ACBD6: variants seen among roughly 807,000 people sequenced by gnomAD.
ACBD6 encodes acyl-CoA binding domain containing 6, also known as acyl-CoA-binding domain-containing protein 6.
ACBD6 carries 28 observed loss-of-function variants against 37.2 expected under a neutral mutation model. The observed-to-expected ratio is 0.75, with a 90% CI of 0.56 to 1.03. ACBD6 has a LOEUF of 1.03. Ranked by LOEUF, ACBD6 falls within the 50% of genes least tolerant of loss-of-function variation. The pLI, the probability that ACBD6 is intolerant of heterozygous loss-of-function variation, is 0.00. For missense variants in ACBD6, 340 were observed against 337.4 expected (o/e 1.01, Z -0.06); for synonymous variants, 113 against 126.8 (o/e 0.89, Z 0.73).
chr1:180,335,223 G>C (rs1651653575), intron 6 of ACBD6, among the ~76,000 whole-genome samples: 1 of 152,172 alleles, frequency 6.6e-6, no homozygotes, highest in South Asian at 2.1e-4. Context: ...ATTCACCAAA[G>C]TTGAAATGAA....
chr1:180,356,778 C>T lies in ACBD6; in HGVS notation c.663+40738G>A, dbSNP rs552147209. Reference sequence around the variant, plus strand: ...GGTGGGAGGATGGCTTGAGCATGGGCGGCGGAGGTTGCAATGAGCTAAGAT... The same window carrying T: ...GGTGGGAGGATGGCTTGAGCATGGGTGGCGGAGGTTGCAATGAGCTAAGAT... On this transcript the variant is annotated intron_variant, in intron 6 of 7. Coordinates refer to ENST00000367595, the MANE Select transcript of ACBD6 (RefSeq NM_032360.4). 5.4e-4 allele frequency among the ~76,000 whole-genome samples: 80 copies of T among 149,384 alleles called. 1 individual carries two copies. Among genetic ancestry groups the T allele is most frequent in the Admixed American group, 1.9e-3 (28 of 14,908 alleles).
chr1:180,434,933 C>T, intron 3 of ACBD6: 2 of 784,486 alleles, frequency 2.5e-6, no homozygotes, highest in Admixed American at 1.7e-5. Flanking sequence ...GCTCAGCCAA[C>T]ATTGAGACCA....
At chr1:180,306,749 T>C (rs1298260868) in intron 7 of ACBD6, among the ~76,000 whole-genome samples, 1 of 152,218 alleles carries the variant, frequency 6.6e-6, no homozygotes, top group African/African-American at 2.4e-5. Context: ...AAATCAATTC[T>C]AGGAATTATT....
chr1:180,482,034 A>G (rs890713551), intron 3 of ACBD6, among the ~76,000 whole-genome samples: 1 of 152,220 alleles, frequency 6.6e-6, no homozygotes, highest in Non-Finnish European at 1.5e-5. Context: ...AGGCACCTAG[A>G]GAACCTCAAT....
At chr1:180,298,268 G>C (rs1191701153) in intron 7 of ACBD6, among the ~76,000 whole-genome samples, 1 of 152,154 alleles carries the variant, frequency 6.6e-6, no homozygotes, top group Non-Finnish European at 1.5e-5. Flanking sequence ...TCAACTTATT[G>C]TAAGAAACAC....
intron 6 of ACBD6, among the ~76,000 whole-genome samples, chr1:180,382,276 G>A (rs1289914025): frequency 6.6e-6 from 1 of 151,822 alleles, no homozygotes; most frequent in Non-Finnish European, 1.5e-5. Flanking sequence ...TTGGTTTTCT[G>A]AAAAGATAAA....
chr1:180,367,742 T>C (rs1368631728), intron 6 of ACBD6, among the ~76,000 whole-genome samples: 1 of 152,236 alleles, frequency 6.6e-6, no homozygotes, highest in Non-Finnish European at 1.5e-5. Flanking sequence ...TATGGCTGCA[T>C]AGTATTCTGT....
intron 3 of ACBD6, among the ~76,000 whole-genome samples, chr1:180,462,164 G>A (rs575551204): frequency 6.6e-6 from 1 of 152,276 alleles, no homozygotes; most frequent in African/African-American, 2.4e-5. Flanking sequence ...TTGAACTCGG[G>A]AAGCAGAGGT....
At chr1:180,497,629 A>G (rs749765245) in intron 1 of ACBD6, among the ~76,000 whole-genome samples, 3 of 152,366 alleles carry the variant, frequency 2.0e-5, no homozygotes, top group Admixed American at 6.5e-5. Flanking sequence ...AACCCATTAG[A>G]TGTTAACATA....
intron 6 of ACBD6, among the ~76,000 whole-genome samples, chr1:180,323,256 T>C (rs1386559843): frequency 6.6e-6 from 1 of 152,088 alleles, no homozygotes; most frequent in Non-Finnish European, 1.5e-5. Context: ...TGTAGTTTCA[T>C]TTGATTGTGG....
chr1:180,320,651 TA>T (rs951118114), intron 6 of ACBD6, among the ~76,000 whole-genome samples: 3 of 151,734 alleles, frequency 2.0e-5, no homozygotes, highest in Admixed American at 6.6e-5. Context: ...AAAATAAAAA[TA>T]AAAAAAATGA....
chr1:180,282,888 G>A (rs562470102), intron 8 of ACBD6, among the ~76,000 whole-genome samples: 208 of 152,166 alleles, frequency 1.4e-3, no homozygotes, highest in Non-Finnish European at 2.5e-3. Flanking sequence ...AAGGCACTGA[G>A]GGATTTAAAC....
intron 6 of ACBD6, chr1:180,326,365 T>G (rs1030198726): frequency 1.3e-5 from 2 of 152,416 alleles, no homozygotes; most frequent in African/African-American, 4.8e-5. Context: ...AAAGCCCAAG[T>G]GCTCTTCAGT....
intron 6 of ACBD6, among the ~76,000 whole-genome samples, chr1:180,378,779 C>G (rs1197408874): frequency 2.6e-5 from 4 of 151,984 alleles, no homozygotes; most frequent in Non-Finnish European, 2.9e-5. Flanking sequence ...ATAGATGGCA[C>G]CCCCCAGCAT....
At chr1:180,429,839 A>C (rs1479961962) in intron 4 of ACBD6, among the ~76,000 whole-genome samples, 1 of 152,190 alleles carries the variant, frequency 6.6e-6, no homozygotes, top group East Asian at 1.9e-4. Flanking sequence ...ATCTTGTCCC[A>C]CCAACTACTT....
downstream of ACBD6, among the ~76,000 whole-genome samples, chr1:180,284,069 C>T (rs34717056): frequency 4.6e-5 from 7 of 152,136 alleles, no homozygotes; most frequent in Non-Finnish European, 1.0e-4. Context: ...ATTTCAAGGA[C>T]AAGTGAATAA....
intron 3 of ACBD6, among the ~76,000 whole-genome samples, chr1:180,491,560 A>G (rs1160229048): frequency 6.6e-6 from 1 of 152,178 alleles, no homozygotes; most frequent in Non-Finnish European, 1.5e-5. Context: ...TCTCTATTAC[A>G]CTTTAAACTA....
intron 4 of ACBD6, among the ~76,000 whole-genome samples, chr1:180,426,505 C>T (rs935750855): frequency 1.6e-4 from 25 of 152,144 alleles, no homozygotes; most frequent in African/African-American, 6.0e-4. Context: ...CAGCTGATCG[C>T]AAAACCAGAG....
At position 180,377,010 on chromosome 1, in the gene ACBD6, T is replaced by C. The variant is rs141117533; in HGVS notation, c.663+20506A>G. ...TGTTGAGTGGAAACCGTAAGGCTAA[T>C]GGCAAAATGAAATATACATAAATGT... On this transcript the variant is annotated intron_variant, in intron 6 of 7. Coordinates refer to ENST00000367595, the MANE Select transcript of ACBD6 (RefSeq NM_032360.4). Among the ~76,000 whole-genome samples, 834 of 152,264 alleles carry C rather than the reference T, an allele frequency of 5.5e-3. 7 individuals carry two copies. Among genetic ancestry groups the C allele is most frequent in the African/African-American group, 0.019 (789 of 41,552 alleles).
Sources: gnomAD v4.1 joint callset for allele counts (sites outside exome capture counted in the v4.1 genomes callset) on GRCh38, gnomAD v4.1.1 for gene constraint, MANE v1.5 for transcripts, NCBI Gene and HGNC (gene_info 2026-07-23, HGNC 2026-07-21) for gene names.